The following CLINT1 variants were observed in gnomAD, a reference collection of about 807,000 sequenced individuals.
CLINT1 encodes clathrin interactor 1.
A neutral mutation model predicts 70.4 loss-of-function variants in CLINT1; 15 were observed. That is an observed-to-expected ratio of 0.21 (90% confidence interval 0.14 to 0.33). The LOEUF is 0.33. Among genes scored for constraint, CLINT1 ranks in the 10% least tolerant of loss-of-function variants. The pLI is 1.00. For missense variants in CLINT1, 615 were observed against 778.1 expected (o/e 0.79, Z 2.49); for synonymous variants, 227 against 254.7 (o/e 0.89, Z 1.04).
chr5:157,799,089 A>G (rs774526791), intron 8 of CLINT1, among the ~76,000 whole-genome samples: 14 of 152,172 alleles, frequency 9.2e-5, no homozygotes, highest in Non-Finnish European at 1.9e-4. Context: ...CATTAATGGA[A>G]TATGTAGAAA....
chr5:157,809,589 CTCTT>C (rs772150695), intron 6 of CLINT1, 35 bp downstream of exon 6: 4 of 1,471,628 alleles, frequency 2.7e-6, no homozygotes, highest in Non-Finnish European at 3.6e-6. Flanking sequence ...AAATTTAGGG[CTCTT>C]TCTAAGAGAC....
At chr5:157,847,861 G>A (rs144324533) in intron 1 of CLINT1, among the ~76,000 whole-genome samples, 9 of 152,254 alleles carry the variant, frequency 5.9e-5, no homozygotes, top group South Asian at 2.1e-4. Flanking sequence ...TGCCCAGGCC[G>A]GAGTACAGTG....
chr5:157,805,483 T>C (rs1581489830), intron 7 of CLINT1, among the ~76,000 whole-genome samples: 1 of 152,228 alleles, frequency 6.6e-6, no homozygotes, highest in East Asian at 1.9e-4. Flanking sequence ...AACTTGCCCC[T>C]ATATATCTCT....
At chr5:157,849,145 G>A (rs1182095945) in intron 1 of CLINT1, among the ~76,000 whole-genome samples, 2 of 152,164 alleles carry the variant, frequency 1.3e-5, no homozygotes, top group Non-Finnish European at 2.9e-5. Flanking sequence ...ATGCTATCGA[G>A]CAGCATTGCA....
intron 11 of CLINT1, among the ~76,000 whole-genome samples, chr5:157,789,122 G>C (rs538365425): frequency 1.3e-5 from 2 of 151,904 alleles, no homozygotes; most frequent in African/African-American, 4.8e-5. Flanking sequence ...TTAGTGATCA[G>C]GTCCTTAAAA....
chr5:157,832,688 A>G (rs1019485965), intron 1 of CLINT1, among the ~76,000 whole-genome samples: 2 of 152,068 alleles, frequency 1.3e-5, no homozygotes, highest in Admixed American at 1.3e-4. Flanking sequence ...TCCCTCAAAC[A>G]TTTTCCTCCT....
At chr5:157,823,809 G>C (rs959845178) in intron 1 of CLINT1, 1 of 431,516 alleles carries the variant, frequency 2.3e-6, no homozygotes, top group African/African-American at 2.2e-5. Flanking sequence ...GTTGGGAATG[G>C]GGCTGCATGG....
chr5:157,824,543 A>G (rs1358173531), intron 1 of CLINT1, among the ~76,000 whole-genome samples: 1 of 152,250 alleles, frequency 6.6e-6, no homozygotes, highest in Non-Finnish European at 1.5e-5. Context: ...ATACAATGCA[A>G]TGAAAAAGTC....
chr5:157,858,294 G>C (rs550693253), intron 1 of CLINT1, among the ~76,000 whole-genome samples: 45 of 152,252 alleles, frequency 3.0e-4, no homozygotes, highest in Middle Eastern at 3.4e-3. Flanking sequence ...AGAAAAAATC[G>C]CAAGAAGTCA....
In CLINT1 at chr5:157,827,305, AG is replaced by A. The variant is rs374819927; in HGVS notation, c.42-9759del. On this transcript the variant is annotated intron_variant, in intron 1 of 11. Coordinates refer to ENST00000411809, the MANE Select transcript of CLINT1 (RefSeq NM_014666.4). ...TATATAAGAGGATAATTGAAAAGATAGGAACTTATAGAAGCAAGGACTAAAA... is the reference window on the plus strand; with the variant it reads ...TATATAAGAGGATAATTGAAAAGATAGAACTTATAGAAGCAAGGACTAAAA... 1.7e-4 allele frequency among the ~76,000 whole-genome samples: 26 copies of A among 152,326 alleles called. No homozygotes were observed. In the South Asian group the frequency reaches 5.4e-3, roughly 32 times the overall value.
intron 5 of CLINT1, among the ~76,000 whole-genome samples, chr5:157,812,268 G>A (rs1301306204): frequency 1.3e-5 from 2 of 152,112 alleles, no homozygotes; most frequent in African/African-American, 4.8e-5. Flanking sequence ...GGGGGGAGCT[G>A]GAGAGCCTCA....
At chr5:157,815,392 A>C (rs1356000148) in intron 3 of CLINT1, among the ~76,000 whole-genome samples, 2 of 137,298 alleles carry the variant, frequency 1.5e-5, no homozygotes, top group East Asian at 5.0e-4. Context: ...GGGTTTCTTT[A>C]CAGGGTGATA....
rs1235107456 is a variant in CLINT1, at chr5:157,850,753, A to T, written c.41+8177T>A. ...ATTAGTATGAGAAAAATTAATAGAA[A>T]AAGGCTCAGTATGCCTATTAGCATT... On this transcript the variant is annotated intron_variant, in intron 1 of 11. Transcript: ENST00000411809. 2.0e-5 allele frequency among the ~76,000 whole-genome samples: 3 copies of T among 152,150 alleles called. No homozygotes were observed. In the East Asian group the frequency reaches 5.8e-4, roughly 29 times the overall value.
At chr5:157,800,191 G>T (rs1479445081) in intron 8 of CLINT1, among the ~76,000 whole-genome samples, 1 of 152,114 alleles carries the variant, frequency 6.6e-6, no homozygotes, top group Non-Finnish European at 1.5e-5. Flanking sequence ...ATTCTACAAT[G>T]ATTTTACCAT....
At chr5:157,844,768 T>C (rs903100628) in intron 1 of CLINT1, among the ~76,000 whole-genome samples, 16 of 152,230 alleles carry the variant, frequency 1.1e-4, no homozygotes, top group African/African-American at 3.4e-4. Context: ...CACAGGATTA[T>C]AGAACTTTTA....
chr5:157,796,932 G>A (rs994377218), intron 8 of CLINT1, among the ~76,000 whole-genome samples: 2 of 151,556 alleles, frequency 1.3e-5, no homozygotes, highest in Non-Finnish European at 2.9e-5. Flanking sequence ...GTTGACTAAT[G>A]CCAACCAAAG....
intron 1 of CLINT1, among the ~76,000 whole-genome samples, chr5:157,849,664 T>C (rs1169027361): frequency 6.6e-6 from 1 of 152,248 alleles, no homozygotes; most frequent in African/African-American, 2.4e-5. Flanking sequence ...CTTCTAGATG[T>C]GCTATCTGTG....
intron 1 of CLINT1, among the ~76,000 whole-genome samples, chr5:157,819,962 G>A (rs1301815697): frequency 2.6e-5 from 4 of 152,220 alleles, no homozygotes; most frequent in Non-Finnish European, 5.9e-5. Context: ...GCCTGTGTGA[G>A]TGCTGTGTTT....
chr5:157,787,531 G>T lies in CLINT1; in HGVS notation c.*115C>A. 1.1e-6 allele frequency: 1 copy of T among 922,936 alleles called. No individual in the cohort carries two copies. The highest frequency in any genetic ancestry group is 1.7e-6 in the Non-Finnish European group (1 of 602,568). 57.2% of individuals were successfully genotyped at this position (922,936 alleles called of 1,614,324 possible). ...AACAGCCTTTTTGGTTCTTTATGTA[G>T]ATTTATTTTAATTACTTGATAAAAG... is the stretch of plus-strand genomic sequence containing the variant. On this transcript the variant is annotated 3_prime_UTR_variant, in exon 12 of 12. Transcript: ENST00000411809.
Sources: gnomAD v4.1 joint callset for allele counts (sites outside exome capture counted in the v4.1 genomes callset) on GRCh38, gnomAD v4.1.1 for gene constraint, MANE v1.5 for transcripts, NCBI Gene and HGNC (gene_info 2026-07-23, HGNC 2026-07-21) for gene names.